Variants in HMGCLL1 observed in about 807,000 individuals in gnomAD.
HMGCLL1 encodes 3-hydroxymethyl-3-methylglutaryl-CoA lyase, cytoplasmic.
HMGCLL1 carries 36 observed loss-of-function variants against 39.1 expected under a neutral mutation model. That is an observed-to-expected ratio of 0.92 (90% CI 0.71 to 1.22). The LOEUF is 1.22. HMGCLL1 is among the 50% of genes most tolerant of loss of function. HMGCLL1 has a pLI of 0.00. For missense variants in HMGCLL1, 451 were observed against 416.5 expected (o/e 1.08, Z -0.72); for synonymous variants, 149 against 144.0 (o/e 1.03, Z -0.25).
intron 1 of HMGCLL1, among the ~76,000 whole-genome samples, chr6:55,578,160 A>G (rs1209656504): frequency 6.6e-6 from 1 of 152,224 alleles, no homozygotes; most frequent in African/African-American, 2.4e-5. Flanking sequence ...TAATTTAACA[A>G]GAAGTCCTCA....
chr6:55,455,763 C>T (rs1004495749), intron 7 of HMGCLL1, among the ~76,000 whole-genome samples: 5 of 152,126 alleles, frequency 3.3e-5, no homozygotes, highest in South Asian at 2.1e-4. Flanking sequence ...ATAATGATAG[C>T]CTTGCCACTG....
chr6:55,452,078 G>A (rs1291432103), intron 7 of HMGCLL1, among the ~76,000 whole-genome samples: 1 of 152,084 alleles, frequency 6.6e-6, no homozygotes, highest in South Asian at 2.1e-4. Flanking sequence ...TCAAGATCAA[G>A]GTGCATATAG....
chr6:55,653,554 A>T, the HMGCLL1 span, among the ~76,000 whole-genome samples: 1 of 152,038 alleles, frequency 6.6e-6, no homozygotes, highest in Non-Finnish European at 1.5e-5. Flanking sequence ...AAAATGTATG[A>T]TATCTAAAAT....
chr6:55,625,186 C>T, the HMGCLL1 span, among the ~76,000 whole-genome samples: 9 of 152,188 alleles, frequency 5.9e-5, no homozygotes, highest in East Asian at 1.7e-3. Flanking sequence ...TGTTAATGGG[C>T]TTTTGTGGAA....
chr6:55,662,707 G>A, the HMGCLL1 span, among the ~76,000 whole-genome samples: 18 of 151,884 alleles, frequency 1.2e-4, no homozygotes, highest in African/African-American at 4.3e-4. Context: ...AATGAGTTAG[G>A]GAGGAGTCCC....
At chr6:55,590,346 G>A in the HMGCLL1 span, among the ~76,000 whole-genome samples, 32 of 152,028 alleles carry the variant, frequency 2.1e-4, no homozygotes, top group East Asian at 9.7e-4. Flanking sequence ...CTGGCTAGCC[G>A]TATGTAGAAA....
the HMGCLL1 span, among the ~76,000 whole-genome samples, chr6:55,653,154 A>G: frequency 6.6e-6 from 1 of 152,062 alleles, no homozygotes; most frequent in Non-Finnish European, 1.5e-5. Flanking sequence ...AAGAAACAAA[A>G]AACCGGCTTT....
chr6:55,623,153 G>A, the HMGCLL1 span, among the ~76,000 whole-genome samples: 2 of 151,442 alleles, frequency 1.3e-5, no homozygotes, highest in African/African-American at 4.8e-5. Context: ...TTCTTAGCCT[G>A]GCTCAACTAA....
chr6:55,668,188 A>G, the HMGCLL1 span, among the ~76,000 whole-genome samples: 3 of 151,896 alleles, frequency 2.0e-5, no homozygotes, highest in Non-Finnish European at 2.9e-5. Flanking sequence ...AGATGGAATC[A>G]CTGCTGACAG....
At position 55,435,751 on chromosome 6, in the gene HMGCLL1, A is replaced by G. The variant is rs573029372; in HGVS notation, c.934T>C (p.Tyr312His). 1.0e-5 allele frequency: 16 copies of G among 1,586,460 alleles called. No homozygotes were observed. The highest frequency in any genetic ancestry group is 3.3e-4 in the Middle Eastern group (2 of 5,978). ...GLGLNTGVNL[Y>H]KVMEAGDFIC... ...AAGTCACCAGCTTCCATCACTTTGT[A>G]TAGATTCACACCCTGGTGACGAAAT... The change falls in exon 9 of 9, where the codon TAC becomes CAC. Residue 312 changes from tyrosine (Y) to histidine (H), a missense_variant. Coordinates refer to ENST00000274901, the MANE Select transcript of HMGCLL1 (RefSeq NM_001042406.2).
intron 4 of HMGCLL1, among the ~76,000 whole-genome samples, chr6:55,514,529 A>G (rs927927569): frequency 6.6e-6 from 1 of 152,180 alleles, no homozygotes; most frequent in Non-Finnish European, 1.5e-5. Context: ...TAGCACCCCA[A>G]TAAAACCCTT....
At chr6:55,586,235 TTAAC>T in the HMGCLL1 span, among the ~76,000 whole-genome samples, 2 of 151,966 alleles carry the variant, frequency 1.3e-5, no homozygotes, top group Non-Finnish European at 2.9e-5. Flanking sequence ...GGTTTCTCGT[TTAAC>T]TATGATAATA....
At chr6:55,549,504 A>T (rs1770197700) in intron 1 of HMGCLL1, among the ~76,000 whole-genome samples, 2 of 151,652 alleles carry the variant, frequency 1.3e-5, no homozygotes, top group African/African-American at 2.4e-5. Context: ...ATTTCTGAAA[A>T]CTACGGTTTA....
chr6:55,589,891 C>T, the HMGCLL1 span, among the ~76,000 whole-genome samples: 486 of 151,804 alleles, frequency 3.2e-3, 4 homozygotes, highest in African/African-American at 9.1e-3. Flanking sequence ...CACTGCTCAA[C>T]GAAATAAAAG....
intron 7 of HMGCLL1, among the ~76,000 whole-genome samples, chr6:55,473,792 A>G (rs1765156998): frequency 6.6e-6 from 1 of 151,422 alleles, no homozygotes; most frequent in South Asian, 2.1e-4. Flanking sequence ...TTGGGCAGAT[A>G]TATTGATGGA....
At chr6:55,580,520 A>G (rs1325586411), upstream of HMGCLL1, among the ~76,000 whole-genome samples, 1 of 135,790 alleles carries the variant, frequency 7.4e-6, no homozygotes, top group African/African-American at 2.8e-5. Flanking sequence ...GGTTCACGCC[A>G]TTCTCCTGCC....
the HMGCLL1 span, among the ~76,000 whole-genome samples, chr6:55,654,863 T>A: frequency 6.6e-6 from 1 of 151,972 alleles, no homozygotes; most frequent in African/African-American, 2.4e-5. Context: ...AGTTAAATCA[T>A]GTAATCAACT....
At chr6:55,610,744 A>G in the HMGCLL1 span, among the ~76,000 whole-genome samples, 1 of 152,180 alleles carries the variant, frequency 6.6e-6, no homozygotes, top group Non-Finnish European at 1.5e-5. Flanking sequence ...CAGATTATCC[A>G]AGATTGAAAT....
At chr6:55,638,680 A>G in the HMGCLL1 span, among the ~76,000 whole-genome samples, 5 of 152,180 alleles carry the variant, frequency 3.3e-5, no homozygotes, top group Admixed American at 1.3e-4. Flanking sequence ...TATAATGTAG[A>G]TAAGGCTGCC....
Sources: allele counts gnomAD v4.1 joint callset (sites outside exome capture counted in the v4.1 genomes callset), GRCh38; gene constraint gnomAD v4.1.1; transcripts MANE v1.5; gene names NCBI Gene and HGNC (gene_info 2026-07-23, HGNC 2026-07-21).